Variants in F11 observed in about 807,000 individuals in gnomAD.
F11 encodes coagulation factor XI, also known as coagualtion factor XI.
In F11, 78 loss-of-function variants were observed where a neutral mutation model predicts 76.5. That is an observed-to-expected ratio of 1.02 (90% CI 0.85 to 1.23). The LOEUF (loss-of-function observed/expected upper bound fraction) is 1.23, where lower values mean the gene tolerates loss of function less well. F11 is among the 50% of genes most tolerant of loss of function. The probability of loss-of-function intolerance (pLI) is 0.00; values close to 1 mark genes in which losing one functional copy is unlikely to be tolerated. For missense variants in F11, 742 were observed against 771.4 expected (o/e 0.96, Z 0.45); for synonymous variants, 278 against 276.3 (o/e 1.01, Z -0.06).
rs569568701 is a variant in F11, at chr4:186,285,474, T to C, written c.1305-164T>C. Among the ~76,000 whole-genome samples the C allele has an allele frequency of 3.9e-4, 60 of 152,288 alleles. 2 individuals are homozygous for C. The South Asian group carries it at 0.011, about 28-fold the overall frequency. On this transcript the variant is annotated intron_variant, in intron 11 of 14. Transcript: ENST00000403665. Reference sequence around the variant, plus strand: ...ATGGATTTTCTTTATAGGGTGAATATGTTTTTTATCCCGAAAAATCTTAGG... The same window carrying C: ...ATGGATTTTCTTTATAGGGTGAATACGTTTTTTATCCCGAAAAATCTTAGG...
Position 186,285,827 on chromosome 4 carries a change from T to G in F11, c.1480+14T>G. 6.2e-7 allele frequency: 1 copy of G among 1,614,124 alleles called. No individual in the cohort carries two copies. Among genetic ancestry groups the G allele is most frequent in the Non-Finnish European group, 8.5e-7 (1 of 1,179,964 alleles). ...TGAATTACACAGGTACGGAGAATTT[T>G]ATCCGGAAAGTTGTCTCCAATGGTG... On this transcript the variant is annotated intron_variant, in intron 12 of 14. Transcript: ENST00000403665.
chr4:186,285,375 TGTGTGCGTGTGCGG>T (rs1741110848), intron 11 of F11, among the ~76,000 whole-genome samples: 1 of 151,494 alleles, frequency 6.6e-6, no homozygotes, highest in Non-Finnish European at 1.5e-5. Context: ...TGCGTGTCTG[TGTGTGCGTGTGCGG>T]GTGTGTGCGT....
chr4:186,274,074 T>C (rs745414711), intron 4 of F11, 42 bp from the exon 5 acceptor site: 2 of 1,613,000 alleles, frequency 1.2e-6, no homozygotes, highest in African/African-American at 1.3e-5. Context: ...TCATTGCCCC[T>C]AGAATCTGGA....
chr4:186,274,342 T>G, intron 5 of F11, 67 bp downstream of exon 5: 1 of 1,599,674 alleles, frequency 6.3e-7, no homozygotes, highest in Non-Finnish European at 8.6e-7. Flanking sequence ...AAAAAGCTTT[T>G]GCCATCAACT....
rs2126792642 is a variant in F11, at chr4:186,288,901, G to A, written c.*287G>A. 2 of 388,968 alleles carry A rather than the reference G, an allele frequency of 5.1e-6. No individual in the cohort carries two copies. Among genetic ancestry groups the A allele is most frequent in the Admixed American group, 3.7e-5 (1 of 26,758 alleles). 24.1% of individuals were successfully genotyped at this position (388,968 alleles called of 1,614,324 possible). ...AATATTTCTGAAGATTACTATATAGGCAGATATAGCAGAAAATAACCAAGT... is the reference window on the plus strand; with the variant it reads ...AATATTTCTGAAGATTACTATATAGACAGATATAGCAGAAAATAACCAAGT... On this transcript the variant is annotated 3_prime_UTR_variant, in exon 15 of 15. Transcript: ENST00000403665.
At position 186,285,666 on chromosome 4, in the gene F11, T is replaced by C. The variant is rs377383440; in HGVS notation, c.1333T>C (p.Tyr445His). 1 of 1,614,184 alleles carries C rather than the reference T, an allele frequency of 6.2e-7. No individual in the cohort carries two copies. Among genetic ancestry groups the C allele is most frequent in the Non-Finnish European group, 8.5e-7 (1 of 1,180,044 alleles). ...GVESPKILRV[Y>H]SGILNQSEIK... ...AGAGTCACCTAAGATTTTGCGTGTC[T>C]ACAGTGGCATTTTAAATCAATCTGA... Residue 445 changes from tyrosine (Y) to histidine (H), a missense_variant, in exon 12 of 15, where the codon TAC (tyrosine) becomes CAC (histidine). Tyr to His is a moderately conservative substitution (Grantham distance 83). Transcript: ENST00000403665.
chr4:186,286,222 T>A, intron 12 of F11, 193 bp from the exon 13 acceptor site: 1 of 588,510 alleles, frequency 1.7e-6, no homozygotes, highest in South Asian at 1.9e-5. Flanking sequence ...GGCTTGTCTC[T>A]CTCTCGCCCT....
chr4:186,269,474 G>A (rs976340147), intron 2 of F11, among the ~76,000 whole-genome samples: 2 of 152,198 alleles, frequency 1.3e-5, no homozygotes, highest in Admixed American at 6.5e-5. Flanking sequence ...AGGACATTAC[G>A]CTAAGTGAAA....
rs1052041692 is a variant in F11, at chr4:186,271,685, G to A, written c.132G>A (p.Lys44=). 6.2e-7 allele frequency: 1 copy of A among 1,614,144 alleles called. No individual in the cohort carries two copies. Among genetic ancestry groups the A allele is most frequent in the East Asian group, 2.2e-5 (1 of 44,880 alleles). The change falls in exon 3 of 15, where the codon AAG becomes AAA. Residue 44 remains lysine, a synonymous_variant. Coordinates refer to ENST00000403665, the MANE Select transcript of F11 (RefSeq NM_000128.4). ...DITTVFTPSA[K]YCQVVCTYHP... ...CTACGGTCTTCACACCAAGCGCCAA[G>A]TACTGCCAGGTAGTCTGCACTTACC...
intron 14 of F11, 136 bp from the exon 15 acceptor site, chr4:186,288,317 C>A: frequency 9.7e-7 from 1 of 1,028,104 alleles, no homozygotes; most frequent in Non-Finnish European, 1.5e-6. Context: ...TGGATGAACG[C>A]AAGCACCCAG....
intron 2 of F11, among the ~76,000 whole-genome samples, chr4:186,267,414 A>G (rs1463227289): frequency 6.6e-6 from 1 of 152,236 alleles, no homozygotes; most frequent in African/African-American, 2.4e-5. Context: ...CCATATCTAC[A>G]TCCATGCCTA....
chr4:186,287,565 C>G (rs1741295275), intron 13 of F11, 119 bp from the exon 14 acceptor site: 1 of 348,236 alleles, frequency 2.9e-6, no homozygotes, highest in East Asian at 1.0e-4. Flanking sequence ...GCCTGGGCGA[C>G]AGAAAGAGAC....
chr4:186,275,686 C>G (rs902657674), intron 5 of F11, 101 bp from the exon 6 acceptor site: 13 of 832,416 alleles, frequency 1.6e-5, no homozygotes, highest in Middle Eastern at 2.2e-4. Context: ...GCTTCGGGGT[C>G]TCGCAGGTCC....
At chr4:186,279,930 G>T in intron 7 of F11, 82 bp from the exon 8 acceptor site, 1 of 1,045,086 alleles carries the variant, frequency 9.6e-7, no homozygotes, top group Non-Finnish European at 1.5e-6. Context: ...AGCATGAGCT[G>T]ACTTTACTTT....
intron 7 of F11, among the ~76,000 whole-genome samples, chr4:186,277,596 G>A (rs1027355756): frequency 2.6e-5 from 4 of 152,164 alleles, no homozygotes; most frequent in Admixed American, 1.3e-4. Context: ...GAAAATGTCA[G>A]TGAAATGTCA....
intron 5 of F11, 31 bp downstream of exon 5, chr4:186,274,306 G>A (rs762399313): frequency 1.4e-5 from 22 of 1,613,774 alleles, no homozygotes; most frequent in South Asian, 5.5e-5. Flanking sequence ...TCGAGTGGTC[G>A]ATGAAAAACA....
Position 186,287,823 on chromosome 4 carries a change from G to A in F11, c.1716G>A (p.Lys572=), listed in dbSNP as rs1356580613. The part of the protein sequence containing the change: ...GYREGGKDAC[K]GDSGGPLSCK... Reference sequence around the variant, plus strand: ...GGGAAGGAGGGAAGGACGCTTGCAAGGTAACAGAGTGTTCTTAGCCAATGG... The same window carrying A: ...GGGAAGGAGGGAAGGACGCTTGCAAAGTAACAGAGTGTTCTTAGCCAATGG... Residue 572 remains lysine (K), a splice_region_variant and synonymous_variant, in exon 14 of 15, where the codon AAG becomes AAA. Coordinates refer to ENST00000403665, the MANE Select transcript of F11 (RefSeq NM_000128.4). The A allele has an allele frequency of 2.5e-6, 4 of 1,612,066 alleles. No individual in the cohort carries two copies. In the South Asian group the frequency reaches 4.4e-5, roughly 18 times the overall value.
In F11 at chr4:186,289,321, T is replaced by C. The variant is rs546921673; in HGVS notation, c.*707T>C. On this transcript the variant is annotated 3_prime_UTR_variant, in exon 15 of 15. Coordinates refer to ENST00000403665, the MANE Select transcript of F11 (RefSeq NM_000128.4). ...TCCTGAAAAATGATTTGTGATGGAT[T>C]GTATATTTATTTAAAATATCTTGGG... 1.2e-4 allele frequency among the ~76,000 whole-genome samples: 18 copies of C among 152,308 alleles called. No individual in the cohort carries two copies. Among genetic ancestry groups the C allele is most frequent in the African/African-American group, 4.3e-4 (18 of 41,582 alleles).
chr4:186,279,493 C>T (rs1580087642), intron 7 of F11, among the ~76,000 whole-genome samples: 1 of 152,178 alleles, frequency 6.6e-6, no homozygotes, highest in Non-Finnish European at 1.5e-5. Context: ...TATTGGATGG[C>T]ACAGGCATAG....
Sources: allele counts gnomAD v4.1 joint callset (sites outside exome capture counted in the v4.1 genomes callset), GRCh38; gene constraint gnomAD v4.1.1; transcripts MANE v1.5; gene names NCBI Gene and HGNC (gene_info 2026-07-23, HGNC 2026-07-21).